TULP1: variants seen among roughly 807,000 people sequenced by gnomAD.
The protein encoded by TULP1 is TUB like protein 1.
In TULP1, 50 loss-of-function variants were observed where a neutral mutation model predicts 67.1. The ratio of observed to expected loss-of-function variants is 0.75; its 90% CI spans 0.59 to 0.94. TULP1 has a LOEUF of 0.94. Among genes scored for constraint, TULP1 ranks in the 40% least tolerant of loss-of-function variants. TULP1 has a pLI of 0.00. For synonymous variants in TULP1, 297 were observed against 294.0 expected, an observed-to-expected ratio of 1.01 and a Z score of -0.11; for missense variants, 746 against 734.1, an observed-to-expected ratio of 1.02 and a Z score of -0.19.
In TULP1 at chr6:35,503,567, G is replaced by C; in HGVS notation, c.1315C>G (p.Pro439Ala). 1 of 1,571,998 alleles carries C rather than the reference G, an allele frequency of 6.4e-7. No homozygotes were observed. The highest frequency in any genetic ancestry group is 8.6e-7 in the Non-Finnish European group (1 of 1,158,614). Reference protein sequence around the residue: ...SAENERVPIRPRNASDGLLVR... With the variant: ...SAENERVPIRARNASDGLLVR... ...GGAGGTGCGGGGCTCACATTTCGGG[G>C]CCGGATGGGGACCCTCTCGTTCTCC... Residue 439 changes from proline to alanine, a missense_variant, in exon 13 of 15, where the codon CCC becomes GCC. Transcript: ENST00000229771. This position sits in a 1 kb window ranked among gnomAD's most constrained non-coding sequence, Gnocchi z 4.0.
Position 35,511,123 on chromosome 6 carries a change from G to T in TULP1, c.350-113C>A, listed in dbSNP as rs563385635. ...TGCATGGGCACCAGAAGGGGAGCCT[G>T]CCCTTCTGAAACAAGAACCGGAGAC... On this transcript the variant is annotated intron_variant, in intron 4 of 14. Coordinates refer to ENST00000229771, the MANE Select transcript of TULP1 (RefSeq NM_003322.6). 2.6e-5 allele frequency: 40 copies of T among 1,550,368 alleles called. 1 individual carries two copies. Among genetic ancestry groups the T allele is most frequent in the South Asian group, 2.1e-4 (18 of 83,726 alleles).
rs773012891 is a variant in TULP1 at position 35,509,708 on chromosome 6, CT to C, written c.643del (p.Ser215ValfsTer22). ...CATGGCTGCTGGGCTCTTCCTCGCA[CT>C]GGCTGGGCTCCCTGAGGGGTCCTTG... ...ADKDPSGSPA[S>X]ARKSPAAMFL... is the part of the protein sequence containing the mutation. On this transcript the variant is annotated frameshift_variant, in exon 7 of 15. Coordinates refer to ENST00000229771, the MANE Select transcript of TULP1 (RefSeq NM_003322.6). LOFTEE classifies it high-confidence loss of function. 3.7e-6 allele frequency: 6 copies of C among 1,614,000 alleles called. No individual in the cohort carries two copies. Among genetic ancestry groups the C allele is most frequent in the Non-Finnish European group, 5.1e-6 (6 of 1,180,042 alleles).
Position 35,498,306 on chromosome 6 carries a change from G to A in TULP1, c.*21C>T. ...TTCCCCCACGCTGACGGGCTCTGGG[G>A]GCGCTGAGGGGCTGCTGGGGTCACT... On this transcript the variant is annotated 3_prime_UTR_variant, in exon 15 of 15. Transcript: ENST00000229771. This position sits in a 1 kb window ranked among gnomAD's most constrained non-coding sequence, Gnocchi z 6.7. The A allele has an allele frequency of 6.2e-7, 1 of 1,611,112 alleles. No homozygotes were observed. Among genetic ancestry groups the A allele is most frequent in the South Asian group, 1.1e-5 (1 of 90,784 alleles).
chr6:35,499,841 G>A (rs1311981172), intron 14 of TULP1, 140 bp downstream of exon 14: 6 of 1,065,500 alleles, frequency 5.6e-6, no homozygotes, highest in Admixed American at 5.1e-5. Context: ...CTATGGAGGA[G>A]AGAGTGACCC....
Position 35,509,260 on chromosome 6 carries a change from CG to C in TULP1, c.770del (p.Thr257ArgfsTer2). 1 of 1,613,988 alleles carries C rather than the reference CG, an allele frequency of 6.2e-7. No homozygotes were observed. Among genetic ancestry groups the C allele is most frequent in the East Asian group, 2.2e-5 (1 of 44,854 alleles). On this transcript the variant is annotated frameshift_variant, in exon 8 of 15. Transcript: ENST00000229771. LOFTEE classifies it high-confidence loss of function. ...CCTTTTGATTGCTCTTCTTTATCAC[CG>C]TAGCTGCCTCCTCCTCCTCTTCTTC... ...KEEEEEEEAA[T>X]VIKKSNQKGK... is the part of the protein sequence containing the mutation.
Position 35,503,843 on chromosome 6 carries a change from T to C in TULP1, c.1118A>G (p.Asn373Ser), listed in dbSNP as rs755390397. Reference sequence around the variant, plus strand: ...GACCGTGAAGCGGTTCCCCAGGAGGTTGGACCTGCAAGCAGGGTAGAGCTT... The same window carrying C: ...GACCGTGAAGCGGTTCCCCAGGAGGCTGGACCTGCAAGCAGGGTAGAGCTT... The part of the protein sequence containing the change: ...GENFIGKLRS[N>S]LLGNRFTVFD... Residue 373 changes from asparagine to serine, a missense_variant, in exon 12 of 15, where the codon AAC (asparagine) becomes AGC (serine). Physicochemically the swap from Asn to Ser is conservative, Grantham distance 46 (BLOSUM62 1). Transcript: ENST00000229771. This position sits in a 1 kb window ranked among gnomAD's most constrained non-coding sequence, Gnocchi z 4.0. The C allele has an allele frequency of 5.0e-6, 8 of 1,607,552 alleles. No homozygotes were observed. The highest frequency in any genetic ancestry group is 5.9e-6 in the Non-Finnish European group (7 of 1,178,928).
intron 13 of TULP1, among the ~76,000 whole-genome samples, chr6:35,502,703 T>G (rs1760993267): frequency 6.6e-6 from 1 of 152,048 alleles, no homozygotes; most frequent in Admixed American, 6.6e-5. Context: ...TTAGCCATGT[T>G]GGCCAGGCTG....
intron 1 of TULP1, 44 bp from the exon 2 acceptor site, chr6:35,512,734 T>G (rs1761237306): frequency 2.2e-5 from 24 of 1,079,080 alleles, no homozygotes; most frequent in East Asian, 3.5e-5. Context: ...TCCCCTTCCC[T>G]CCCCATCCCA....
chr6:35,512,645 G>A lies in TULP1; in HGVS notation c.93C>T (p.Pro31=). ...TCCAAGTGGGGTGGCATACCTGTTTGGGGCGCCGCGGGGCCTCCGGGCTCA... is the reference window on the plus strand; with the variant it reads ...TCCAAGTGGGGTGGCATACCTGTTTAGGGCGCCGCGGGGCCTCCGGGCTCA... ...ESLSPEAPRR[P]KQRPAPAQRL... The change falls in exon 2 of 15, where the codon CCC becomes CCT. Residue 31 remains proline (P), a synonymous_variant. Transcript: ENST00000229771. 1 of 1,613,960 alleles carries A rather than the reference G, an allele frequency of 6.2e-7. No individual in the cohort carries two copies. The highest frequency in any genetic ancestry group is 8.5e-7 in the Non-Finnish European group (1 of 1,179,960).
intron 11 of TULP1, among the ~76,000 whole-genome samples, chr6:35,504,857 C>T (rs904186862): frequency 2.6e-5 from 4 of 151,398 alleles, no homozygotes; most frequent in African/African-American, 4.9e-5. Context: ...TGAGCCATCA[C>T]GCCTGGCCTG....
intron 2 of TULP1, 98 bp downstream of exon 2, chr6:35,512,541 C>A: frequency 6.6e-7 from 1 of 1,520,170 alleles, no homozygotes; most frequent in Non-Finnish European, 9.1e-7. Flanking sequence ...CCAGACCCTG[C>A]TAAGGGGGAC....
chr6:35,501,529 A>AAG (rs57326453), intron 13 of TULP1, among the ~76,000 whole-genome samples: 1 of 148,176 alleles, frequency 6.7e-6, no homozygotes, highest in African/African-American at 2.6e-5. Flanking sequence ...AAAAAAAAAA[A>AAG]GGCTGGGCAC....
chr6:35,503,220 G>C lies in TULP1; in HGVS notation c.1323+339C>G, dbSNP rs938288618. The stretch of plus-strand genomic sequence containing the variant: ...CCCAAAGTGCTGGGATTACAGGCGT[G>C]AGCCACCGCGCCCGGCCCAGGGGTG... On this transcript the variant is annotated intron_variant, in intron 13 of 14. Coordinates refer to ENST00000229771, the MANE Select transcript of TULP1 (RefSeq NM_003322.6). The surrounding 1 kb of genome is among the most constrained non-coding windows in gnomAD (Gnocchi z 4.0). Among the ~76,000 whole-genome samples, 3 of 152,154 alleles carry C rather than the reference G, an allele frequency of 2.0e-5. No individual in the cohort carries two copies. Among genetic ancestry groups the C allele is most frequent in the South Asian group, 2.1e-4 (1 of 4,836 alleles).
rs142310368 is a variant in TULP1 at position 35,506,080 on chromosome 6, G to A, written c.922C>T (p.Arg308Trp). The change falls in exon 10 of 15, where the codon CGG becomes TGG. Residue 308 changes from arginine to tryptophan, a missense_variant. Transcript: ENST00000229771. The stretch of plus-strand genomic sequence containing the variant: ...ATGCCCTTTTTGTCCCGGGTCAGCC[G>A]GCAGCGCACCGTGCGGCCCTGGGGG... ...PAPQGRTVRCRLTRDKKGMDR... is the reference protein window; with the variant it reads ...PAPQGRTVRCWLTRDKKGMDR... The A allele has an allele frequency of 8.7e-6, 14 of 1,613,546 alleles. No individual in the cohort carries two copies. Among genetic ancestry groups the A allele is most frequent in the Non-Finnish European group, 1.0e-5 (12 of 1,180,024 alleles).
At chr6:35,509,182 C>T (rs745531788) in intron 8 of TULP1, 27 bp downstream of exon 8, 1 of 1,602,820 alleles carries the variant, frequency 6.2e-7, no homozygotes, top group African/African-American at 1.3e-5. Flanking sequence ...GAAGGGACCT[C>T]AGCCCCCTGC....
At chr6:35,504,090 A>C (rs1761030175) in intron 11 of TULP1, 1 of 479,202 alleles carries the variant, frequency 2.1e-6, no homozygotes, top group East Asian at 3.9e-5. Flanking sequence ...CAGAGGAGGG[A>C]GGATCGCTTG....
At position 35,498,514 on chromosome 6, in the gene TULP1, C is replaced by G. The variant is rs1036930755; in HGVS notation, c.1496-54G>C. On this transcript the variant is annotated intron_variant, in intron 14 of 14. Coordinates refer to ENST00000229771, the MANE Select transcript of TULP1 (RefSeq NM_003322.6). The surrounding 1 kb of genome is among the most constrained non-coding windows in gnomAD (Gnocchi z 6.7). ...CCCGAGACCTCCTTGGACCCCCATC[C>G]TGGCAGACAGTGCCCTCAACCTTGG... The G allele has an allele frequency of 7.5e-6, 12 of 1,610,622 alleles. No homozygotes were observed. In the African/African-American group the frequency reaches 9.3e-5, roughly 13 times the overall value.
chr6:35,510,605 A>G, intron 5 of TULP1: 1 of 654,036 alleles, frequency 1.5e-6, no homozygotes, highest in South Asian at 2.2e-5. Context: ...AATCACAAAG[A>G]AAACTAGAAT....
Position 35,503,237 on chromosome 6 carries a change from C to T in TULP1, c.1323+322G>A, listed in dbSNP as rs1320576323. The T allele has an allele frequency of 2.7e-6, 1 of 366,804 alleles. No individual in the cohort carries two copies. Among genetic ancestry groups the T allele is most frequent in the Non-Finnish European group, 5.2e-6 (1 of 190,918 alleles). The allele number at this position is 366,804 out of a possible 1,614,324, so 22.7% of individuals were successfully genotyped here. Reference sequence around the variant, plus strand: ...ACAGGCGTGAGCCACCGCGCCCGGCCCAGGGGTGCAGATCTTTGTTTTGTC... The same window carrying T: ...ACAGGCGTGAGCCACCGCGCCCGGCTCAGGGGTGCAGATCTTTGTTTTGTC... On this transcript the variant is annotated intron_variant, in intron 13 of 14. Coordinates refer to ENST00000229771, the MANE Select transcript of TULP1 (RefSeq NM_003322.6). This position sits in a 1 kb window ranked among gnomAD's most constrained non-coding sequence, Gnocchi z 4.0.
Sources: allele counts gnomAD v4.1 joint callset (sites outside exome capture counted in the v4.1 genomes callset), GRCh38; gene constraint gnomAD v4.1.1; non-coding constraint Gnocchi (gnomAD v3.1); transcripts MANE v1.5; gene names NCBI Gene and HGNC (gene_info 2026-07-23, HGNC 2026-07-21).